The following AMBP variants were observed in gnomAD, a reference collection of about 807,000 sequenced individuals.
AMBP encodes protein AMBP.
In AMBP, 37 loss-of-function variants were observed where a neutral mutation model predicts 46.3. That is an observed-to-expected ratio of 0.80 (90% CI 0.61 to 1.05). AMBP has a LOEUF of 1.05. Among genes scored for constraint, AMBP ranks in the 50% least tolerant of loss-of-function variants. AMBP has a pLI of 0.00. For missense variants in AMBP, 475 were observed against 461.2 expected (o/e 1.03, Z -0.27); for synonymous variants, 174 against 175.9 (o/e 0.99, Z 0.09).
chr9:114,070,028 T>C, intron 5 of AMBP: 1 of 477,742 alleles, frequency 2.1e-6, no homozygotes, highest in Non-Finnish European at 3.8e-6. Flanking sequence ...TGACTGAGCA[T>C]TTATGAGCAC....
intron 6 of AMBP, 80 bp from the exon 7 acceptor site, chr9:114,062,838 G>GAA (rs1846656181): frequency 2.2e-6 from 3 of 1,394,078 alleles, no homozygotes; most frequent in Non-Finnish European, 3.1e-6. Flanking sequence ...ATATATAAAT[G>GAA]AACAACTTGC....
intron 6 of AMBP, among the ~76,000 whole-genome samples, chr9:114,063,905 A>G (rs1846666369): frequency 6.6e-6 from 1 of 152,234 alleles, no homozygotes; most frequent in Non-Finnish European, 1.5e-5. Context: ...TACAGAAATA[A>G]TAGAAGAAAA....
In AMBP at chr9:114,061,526, C is replaced by T; in HGVS notation, c.751G>A (p.Gly251Ser). 1 of 1,614,000 alleles carries T rather than the reference C, an allele frequency of 6.2e-7. No homozygotes were observed. The highest frequency in any genetic ancestry group is 1.1e-5 in the South Asian group (1 of 91,072). The part of the protein sequence containing the change: ...MGMTSRYFYN[G>S]TSMACETFQY... The stretch of plus-strand genomic sequence containing the variant: ...AAAGTCTCACAGGCCATGGATGTAC[C>T]ATTATAGAAATACCTGCTGGTCATT... Residue 251 changes from glycine (G) to serine (S), a missense_variant, in exon 8 of 10, where the codon GGT becomes AGT. Transcript: ENST00000265132.
chr9:114,075,310 G>A (rs958970711), intron 2 of AMBP, among the ~76,000 whole-genome samples: 2 of 151,872 alleles, frequency 1.3e-5, no homozygotes, highest in Admixed American at 1.3e-4. Context: ...CACTAATGCC[G>A]CCTTCCTTAA....
chr9:114,077,773 G>A (rs1025824426), intron 1 of AMBP, among the ~76,000 whole-genome samples: 2 of 152,218 alleles, frequency 1.3e-5, no homozygotes, highest in African/African-American at 4.8e-5. Context: ...TCTGGGCAAA[G>A]CTAGGTGTCT....
rs760946963 is a variant in AMBP, at chr9:114,060,917, C to G, written c.1027+8G>C. On this transcript the variant is annotated splice_region_variant and intron_variant, in intron 9 of 9. Coordinates refer to ENST00000265132, the MANE Select transcript of AMBP (RefSeq NM_001633.4). ...CGGCCCAGCCTGGCACCCTGCAGGG[C>G]TGCCTACCATCACCAGGGACACCGC... 4.3e-6 allele frequency: 7 copies of G among 1,611,496 alleles called. No homozygotes were observed. Among genetic ancestry groups the G allele is most frequent in the Non-Finnish European group, 5.9e-6 (7 of 1,178,546 alleles).
At chr9:114,068,760 A>C (rs950242092) in intron 6 of AMBP, among the ~76,000 whole-genome samples, 13 of 150,294 alleles carry the variant, frequency 8.6e-5, no homozygotes, top group African/African-American at 3.2e-4. Context: ...TATGTGTGGC[A>C]AGATTCCAGA....
intron 3 of AMBP, 38 bp from the exon 4 acceptor site, chr9:114,074,190 G>C: frequency 1.9e-6 from 3 of 1,539,742 alleles, no homozygotes; most frequent in Non-Finnish European, 2.7e-6. Flanking sequence ...GGGATCAGTG[G>C]TCAGTAGACT....
At chr9:114,073,498 T>G (rs1374238045) in intron 4 of AMBP, among the ~76,000 whole-genome samples, 1 of 147,616 alleles carries the variant, frequency 6.8e-6, no homozygotes, top group Non-Finnish European at 1.5e-5. Flanking sequence ...TCCCTGTTTT[T>G]TTTTTTTTTT....
chr9:114,060,246 G>C lies in AMBP; in HGVS notation c.1052C>G (p.Ser351Cys). ...GDGDEELLRFSN is the reference protein window; with the variant it reads ...GDGDEELLRFCN ...TTGCAGACCGGCCAGTTGTCAGTTG[G>C]AGAAGCGCAGCAGCTCCTCATCACC... Residue 351 changes from serine (S) to cysteine (C), a missense_variant, in exon 10 of 10, where the codon TCC becomes TGC. Ser to Cys is a moderately radical substitution (Grantham distance 112). Transcript: ENST00000265132. 9 of 1,613,318 alleles carry C rather than the reference G, an allele frequency of 5.6e-6. No individual in the cohort carries two copies. Among genetic ancestry groups the C allele is most frequent in the Non-Finnish European group, 7.6e-6 (9 of 1,179,710 alleles).
Position 114,069,694 on chromosome 9 carries a change from C to A in AMBP, c.603+5G>T. 6.2e-7 allele frequency: 1 copy of A among 1,612,600 alleles called. No homozygotes were observed. The highest frequency in any genetic ancestry group is 8.5e-7 in the Non-Finnish European group (1 of 1,179,708). On this transcript the variant is annotated splice_donor_5th_base_variant and intron_variant, in intron 6 of 9. Coordinates refer to ENST00000265132, the MANE Select transcript of AMBP (RefSeq NM_001633.4). The stretch of plus-strand genomic sequence containing the variant: ...TGGGATGGGGTCGGGGGATGAGGCA[C>A]TCACCGGGATTAAGATGGGCTCTGG...
intron 9 of AMBP, 155 bp downstream of exon 9, chr9:114,060,770 G>T (rs1564370180): frequency 1.1e-6 from 1 of 902,494 alleles, no homozygotes; most frequent in Admixed American, 2.5e-5. Context: ...CTGGGGTAAG[G>T]CCCCAGGCTC....
At chr9:114,064,316 T>G (rs1379169042) in intron 6 of AMBP, among the ~76,000 whole-genome samples, 1 of 152,116 alleles carries the variant, frequency 6.6e-6, no homozygotes, top group Non-Finnish European at 1.5e-5. Context: ...TGATAAGGTA[T>G]AAAGCCAATA....
At chr9:114,061,842 G>A (rs1249370939) in intron 7 of AMBP, among the ~76,000 whole-genome samples, 1 of 152,050 alleles carries the variant, frequency 6.6e-6, no homozygotes, top group Non-Finnish European at 1.5e-5. Context: ...GTGAACCACA[G>A]GCCCACTGTC....
intron 1 of AMBP, 78 bp from the exon 2 acceptor site, chr9:114,076,818 C>A: frequency 1.3e-6 from 2 of 1,500,762 alleles, no homozygotes; most frequent in South Asian, 2.6e-5. Context: ...TGCTCCCCAC[C>A]CTCCACCTCC....
chr9:114,062,836 A>T, intron 6 of AMBP, 78 bp from the exon 7 acceptor site: 1 of 1,399,060 alleles, frequency 7.1e-7, no homozygotes. Flanking sequence ...GAATATATAA[A>T]TGAACAACTT....
At position 114,073,334 on chromosome 9, in the gene AMBP, C is replaced by T. The variant is rs564920333; in HGVS notation, c.455-308G>A. Among the ~76,000 whole-genome samples, 86 of 151,752 alleles carry T rather than the reference C, an allele frequency of 5.7e-4. 1 individual carries two copies. In the South Asian group the frequency reaches 8.2e-3, roughly 14 times the overall value. On this transcript the variant is annotated intron_variant, in intron 4 of 9. Transcript: ENST00000265132. ...TGATCTCAGCTCACTGCAAGCTCTG[C>T]CTCCCGGGTTCCCGCCATTCTCCTG...
At chr9:114,069,214 C>T (rs1446036429) in intron 6 of AMBP, among the ~76,000 whole-genome samples, 2 of 151,912 alleles carry the variant, frequency 1.3e-5, no homozygotes, top group Non-Finnish European at 2.9e-5. Flanking sequence ...AAAAGAGAAG[C>T]ATAGGAAAGC....
chr9:114,069,977 C>T (rs1301688646), intron 5 of AMBP: 4 of 557,572 alleles, frequency 7.2e-6, no homozygotes, highest in Non-Finnish European at 1.3e-5. Context: ...CCACTAGCAT[C>T]ATTTTATCAG....
Sources: allele counts gnomAD v4.1 joint callset (sites outside exome capture counted in the v4.1 genomes callset), GRCh38; gene constraint gnomAD v4.1.1; transcripts MANE v1.5; gene names NCBI Gene and HGNC (gene_info 2026-07-23, HGNC 2026-07-21).